Variants in PDE4D observed in about 807,000 individuals in gnomAD.
The protein encoded by PDE4D is 3',5'-cyclic-AMP phosphodiesterase 4D.
PDE4D carries 24 observed loss-of-function variants against 87.4 expected under a neutral mutation model. The ratio of observed to expected loss-of-function variants is 0.27; its 90% CI spans 0.20 to 0.39. The LOEUF (loss-of-function observed/expected upper bound fraction) is 0.39. Among genes scored for constraint, PDE4D ranks in the 10% least tolerant of loss-of-function variants. The pLI is 1.00. For synonymous variants in PDE4D, 384 were observed against 383.2 expected, an observed-to-expected ratio of 1.00 and a Z score of -0.02; for missense variants, 714 against 1,041.0, an observed-to-expected ratio of 0.69 and a Z score of 4.32.
chr5:60,381,720 C>A (rs957181639), intron 1 of PDE4D, among the ~76,000 whole-genome samples: 20 of 152,094 alleles, frequency 1.3e-4, no homozygotes, highest in African/African-American at 4.6e-4. Flanking sequence ...AGCTGACATT[C>A]AATTTGACTT....
chr5:59,674,085 A>T (rs1468191051), intron 1 of PDE4D, among the ~76,000 whole-genome samples: 1 of 152,220 alleles, frequency 6.6e-6, no homozygotes, highest in Admixed American at 6.5e-5. Flanking sequence ...TTAAATATTT[A>T]AAAACACAGA....
rs558795712 is a variant in PDE4D at position 59,394,874 on chromosome 5, G to A, written c.456-178906C>T. ...AGTAGGCGCAGGTCAGTGGGTGCGC[G>A]CACCGTGCACAAGCCGAAGCAGGGC... On this transcript the variant is annotated intron_variant, in intron 1 of 14. Coordinates refer to ENST00000340635, the MANE Select transcript of PDE4D (RefSeq NM_001104631.2). Among the ~76,000 whole-genome samples the A allele has an allele frequency of 1.4e-3, 212 of 152,168 alleles. 1 individual carries two copies. Among genetic ancestry groups the A allele is most frequent in the African/African-American group, 4.9e-3 (204 of 41,532 alleles).
intron 6 of PDE4D, among the ~76,000 whole-genome samples, chr5:59,031,388 TA>T (rs1200956018): frequency 6.9e-4 from 31 of 45,026 alleles, no homozygotes; most frequent in East Asian, 6.0e-3. Flanking sequence ...TATATATATA[TA>T]TATTATATAT....
chr5:59,888,934 A>G (rs1465381363), intron 1 of PDE4D, among the ~76,000 whole-genome samples: 1 of 152,080 alleles, frequency 6.6e-6, no homozygotes, highest in East Asian at 1.9e-4. Flanking sequence ...AACATATTTA[A>G]AAAACTAATG....
At chr5:60,049,445 C>T (rs937351498) in intron 2 of PDE4D, among the ~76,000 whole-genome samples, 1 of 152,198 alleles carries the variant, frequency 6.6e-6, no homozygotes, top group Non-Finnish European at 1.5e-5. Context: ...AGGCACTCTG[C>T]TTTTTAGAGT....
rs562290197 is a variant in PDE4D at position 59,425,287 on chromosome 5, A to T, written c.456-209319T>A. ...TCATCTAGATATAAATAAAGGTCTT[A>T]AAAAAGCTCTGAAGTTCTCCCTGAT... On this transcript the variant is annotated intron_variant, in intron 1 of 14. Transcript: ENST00000340635. Among the ~76,000 whole-genome samples, 13 of 152,174 alleles carry T rather than the reference A, an allele frequency of 8.5e-5. No individual in the cohort carries two copies. In the South Asian group the frequency reaches 1.4e-3, roughly 17 times the overall value.
Position 59,285,174 on chromosome 5 carries a change from G to C in PDE4D, c.456-69206C>G, listed in dbSNP as rs1385607886. ...ACATGTATACATATGTAACTAACCTGCACAATGTGCACATGTACCCTAAAA... is the reference window on the plus strand; with the variant it reads ...ACATGTATACATATGTAACTAACCTCCACAATGTGCACATGTACCCTAAAA... On this transcript the variant is annotated intron_variant, in intron 1 of 14. Transcript: ENST00000340635. Among the ~76,000 whole-genome samples, 89 of 134,782 alleles carry C rather than the reference G, an allele frequency of 6.6e-4. 1 individual carries two copies. The highest frequency in any genetic ancestry group is 1.9e-3 in the African/African-American group (66 of 34,438). The allele number at this position is 134,782 out of a possible 152,430, so 88.4% of individuals were successfully genotyped here. A position where few individuals can be genotyped will look rare whatever the true frequency, so the allele number is the denominator to read the frequency against.
At chr5:59,182,169 T>C (rs897106575) in intron 4 of PDE4D, among the ~76,000 whole-genome samples, 1 of 152,144 alleles carries the variant, frequency 6.6e-6, no homozygotes, top group Non-Finnish European at 1.5e-5. Flanking sequence ...GAATTTAAAC[T>C]CGATAAACCA....
intron 1 of PDE4D, among the ~76,000 whole-genome samples, chr5:59,591,791 A>G (rs1825959045): frequency 6.6e-6 from 1 of 152,126 alleles, no homozygotes; most frequent in Non-Finnish European, 1.5e-5. Flanking sequence ...AAAAACTTCT[A>G]TGTACTTTTC....
rs568033920 is a variant in PDE4D at position 58,982,072 on chromosome 5, C to T, written c.1553-4727G>A. On this transcript the variant is annotated intron_variant, in intron 11 of 14. Coordinates refer to ENST00000340635, the MANE Select transcript of PDE4D (RefSeq NM_001104631.2). ...TGTGTCTCCTGATAGAAGCATTCCT[C>T]CTTCTGAAACTAAGACCTCTAGCTA... is the stretch of plus-strand genomic sequence containing the variant. 5.3e-5 allele frequency among the ~76,000 whole-genome samples: 8 copies of T among 152,282 alleles called. No homozygotes were observed. The South Asian group carries it at 1.7e-3, about 32-fold the overall frequency.
At chr5:59,090,736 C>T (rs1768549132) in intron 5 of PDE4D, among the ~76,000 whole-genome samples, 1 of 150,256 alleles carries the variant, frequency 6.7e-6, no homozygotes, top group Admixed American at 6.6e-5. Flanking sequence ...ATATATTCTA[C>T]AGAGTCTCAG....
chr5:59,660,909 C>A (rs1055549885), intron 1 of PDE4D, among the ~76,000 whole-genome samples: 38 of 151,884 alleles, frequency 2.5e-4, no homozygotes, highest in African/African-American at 9.2e-4. Flanking sequence ...CTCATTATGT[C>A]TTCAAACTCT....
At chr5:60,267,245 T>C (rs1017200533) in intron 1 of PDE4D, among the ~76,000 whole-genome samples, 2 of 152,212 alleles carry the variant, frequency 1.3e-5, no homozygotes, top group Non-Finnish European at 2.9e-5. Context: ...TCAGGGCCAG[T>C]TATTATCTAT....
intron 1 of PDE4D, among the ~76,000 whole-genome samples, chr5:59,835,205 A>G (rs1741832750): frequency 6.6e-6 from 1 of 152,024 alleles, no homozygotes; most frequent in African/African-American, 2.4e-5. Context: ...TAATTTCCTT[A>G]TTTACAAAAT....
At chr5:59,666,934 C>T (rs1746168296) in intron 1 of PDE4D, among the ~76,000 whole-genome samples, 1 of 152,186 alleles carries the variant, frequency 6.6e-6, no homozygotes, top group Admixed American at 6.5e-5. Flanking sequence ...CACCCTCTTT[C>T]TGATTACAGG....
chr5:59,179,244 T>C (rs569773182), intron 5 of PDE4D, among the ~76,000 whole-genome samples: 3 of 152,216 alleles, frequency 2.0e-5, no homozygotes, highest in African/African-American at 4.8e-5. Flanking sequence ...GTAGCTTGGA[T>C]TACAGGTGCT....
chr5:59,494,771 C>T (rs973996439), intron 1 of PDE4D, among the ~76,000 whole-genome samples: 9 of 152,116 alleles, frequency 5.9e-5, no homozygotes, highest in Non-Finnish European at 1.2e-4. Context: ...TGAAACAATC[C>T]CACCAGCAAC....
At chr5:59,507,052 C>T (rs1809389609) in intron 1 of PDE4D, among the ~76,000 whole-genome samples, 1 of 152,122 alleles carries the variant, frequency 6.6e-6, no homozygotes, top group Non-Finnish European at 1.5e-5. Flanking sequence ...ATAAAATGGG[C>T]CAGGCACAGT....
chr5:59,340,164 G>A (rs533497958), intron 1 of PDE4D, among the ~76,000 whole-genome samples: 212 of 152,154 alleles, frequency 1.4e-3, no homozygotes, highest in Non-Finnish European at 2.7e-3. Flanking sequence ...AGTGAACTAC[G>A]ATGGACTTGC....
Sources: allele counts gnomAD v4.1 joint callset (sites outside exome capture counted in the v4.1 genomes callset), GRCh38; gene constraint gnomAD v4.1.1; transcripts MANE v1.5; gene names NCBI Gene and HGNC (gene_info 2026-07-23, HGNC 2026-07-21).